Variants in DMAC2L observed in about 807,000 individuals in gnomAD.
DMAC2L encodes ATP synthase subunit s, mitochondrial.
A neutral mutation model predicts 22.5 loss-of-function variants in DMAC2L; 21 were observed. The observed-to-expected ratio is 0.93, with a 90% CI of 0.66 to 1.34. The LOEUF is 1.34. Among genes scored for constraint, DMAC2L ranks in the 40% most tolerant of loss-of-function variants. The probability of loss-of-function intolerance (pLI) is 0.00; values close to 1 mark genes in which losing one functional copy is unlikely to be tolerated. For missense variants in DMAC2L, 239 were observed against 246.5 expected, an observed-to-expected ratio of 0.97 and a Z score of 0.20; for synonymous variants, 86 against 89.5, an observed-to-expected ratio of 0.96 and a Z score of 0.22.
At chr14:50,319,235 T>A in intron 2 of DMAC2L, 9 of 1,535,876 alleles carry the variant, frequency 5.9e-6, no homozygotes, top group Non-Finnish European at 7.8e-6. Flanking sequence ...GTTGAGAACA[T>A]GATAAGAGGT....
At chr14:50,312,103 G>C (rs937974992), upstream of DMAC2L, 1 of 1,608,302 alleles carries the variant, frequency 6.2e-7, no homozygotes, top group Non-Finnish European at 8.5e-7. Flanking sequence ...CGAAAAGCCC[G>C]CGGGCCCGTC....
intron 4 of DMAC2L, 71 bp from the exon 5 acceptor site, chr14:50,323,874 C>T (rs2032497445): frequency 5.2e-6 from 7 of 1,355,634 alleles, no homozygotes; most frequent in East Asian, 2.3e-5. Flanking sequence ...CCAAGTCAGT[C>T]GTGGGCAAAC....
chr14:50,314,097 C>G (rs1349072994), intron 1 of DMAC2L, among the ~76,000 whole-genome samples: 1 of 152,108 alleles, frequency 6.6e-6, no homozygotes, highest in Non-Finnish European at 1.5e-5. Context: ...TGTAGATGTA[C>G]TACAGTATTG....
At chr14:50,313,777 T>C (rs548839412) in intron 1 of DMAC2L, among the ~76,000 whole-genome samples, 2 of 152,328 alleles carry the variant, frequency 1.3e-5, no homozygotes, top group African/African-American at 4.8e-5. Flanking sequence ...TATTTAGTTC[T>C]ATATGGTTAT....
intron 2 of DMAC2L, among the ~76,000 whole-genome samples, chr14:50,316,182 A>G (rs934955852): frequency 2.6e-5 from 4 of 151,872 alleles, no homozygotes; most frequent in Non-Finnish European, 4.4e-5. Context: ...ATTTTTTCAT[A>G]TATTTCTTGG....
chr14:50,323,986 CATT>C lies in DMAC2L; in HGVS notation c.361_363del (p.Tyr121del). Reference sequence around the variant, plus strand: ...TGAAAAAATAAGGCTGTGCAAGTGTCATTATATCGAGGATGACTGTTTGCTGAG... The same window carrying C: ...TGAAAAAATAAGGCTGTGCAAGTGTCATATCGAGGATGACTGTTTGCTGAG... On this transcript the variant is annotated inframe_deletion, in exon 5 of 6. Transcript: ENST00000557421. 1 of 1,613,648 alleles carries C rather than the reference CATT, an allele frequency of 6.2e-7. No homozygotes were observed. The highest frequency in any genetic ancestry group is 8.5e-7 in the Non-Finnish European group (1 of 1,179,882).
chr14:50,321,326 C>A, intron 2 of DMAC2L, 157 bp from the exon 3 acceptor site: 1 of 1,334,260 alleles, frequency 7.5e-7, no homozygotes, highest in East Asian at 2.9e-5. Context: ...AAATAAAAAA[C>A]CCCAAGAACA....
chr14:50,315,981 C>T (rs1424656244), intron 2 of DMAC2L, among the ~76,000 whole-genome samples: 2 of 152,190 alleles, frequency 1.3e-5, no homozygotes, highest in Admixed American at 6.5e-5. Context: ...AAGGAATCTC[C>T]ACACTGTTTT....
At chr14:50,323,005 C>T in intron 4 of DMAC2L, 2 of 1,312,378 alleles carry the variant, frequency 1.5e-6, no homozygotes, top group South Asian at 2.0e-5. Flanking sequence ...TGTCAAACTT[C>T]TGTCATTGAG....
At chr14:50,320,310 C>T (rs369746271) in intron 2 of DMAC2L, among the ~76,000 whole-genome samples, 87 of 151,896 alleles carry the variant, frequency 5.7e-4, no homozygotes, top group African/African-American at 1.9e-3. Context: ...AGAGTTTCAC[C>T]GTGTTAGCCA....
At chr14:50,323,030 G>A in intron 4 of DMAC2L, 1 of 1,258,370 alleles carries the variant, frequency 7.9e-7, no homozygotes, top group Non-Finnish European at 1.0e-6. Flanking sequence ...CCTCAATAAT[G>A]CAGGAATAAT....
rs73279445 is a variant in DMAC2L, at chr14:50,325,205, T to G, written c.489-404T>G. 0.015 allele frequency among the ~76,000 whole-genome samples: 2,285 copies of G among 152,286 alleles called. 98 individuals carry two copies. The East Asian group carries it at 0.15, about 10-fold the overall frequency. Reference sequence around the variant, plus strand: ...CAGTATCACAGGAAGTTTAAGAAATTTTAAACATTAGGACCAAAAGTACTA... The same window carrying G: ...CAGTATCACAGGAAGTTTAAGAAATGTTAAACATTAGGACCAAAAGTACTA... On this transcript the variant is annotated intron_variant, in intron 5 of 5. Transcript: ENST00000557421.
chr14:50,313,134 CTT>C, intron 1 of DMAC2L: 1 of 1,262,832 alleles, frequency 7.9e-7, no homozygotes, highest in East Asian at 2.3e-5. Flanking sequence ...CCTTCTAACT[CTT>C]TAAAATTGTC....
chr14:50,318,414 A>C lies in DMAC2L; in HGVS notation c.-5-3069A>C, dbSNP rs565372042. Among the ~76,000 whole-genome samples, 6 of 152,314 alleles carry C rather than the reference A, an allele frequency of 3.9e-5. 1 individual carries two copies. The highest frequency in any genetic ancestry group is 1.4e-4 in the African/African-American group (6 of 41,566). On this transcript the variant is annotated intron_variant, in intron 2 of 5. Transcript: ENST00000557421. The stretch of plus-strand genomic sequence containing the variant: ...TTGTGTTTTTAGAGATTACAGCCTA[A>C]GTAAATTTGGCCTTTCGTTTAAGCT...
At position 50,326,884 on chromosome 14, in the gene DMAC2L, T is replaced by C; in HGVS notation, c.*1161T>C. The C allele has an allele frequency of 2.3e-6, 1 of 429,140 alleles. No homozygotes were observed. The highest frequency in any genetic ancestry group is 3.1e-6 in the Non-Finnish European group (1 of 322,236). The allele number at this position is 429,140 out of a possible 1,614,324, so 26.6% of individuals were successfully genotyped here. On this transcript the variant is annotated 3_prime_UTR_variant, in exon 6 of 6. Coordinates refer to ENST00000557421, the MANE Select transcript of DMAC2L (RefSeq NM_001382507.1). ...AGTGAGACCCCATCTCTAAAAAAAT[T>C]TTAAAAATTAGGCAGGCATGGTGGT...
intron 2 of DMAC2L, among the ~76,000 whole-genome samples, chr14:50,315,281 AT>A (rs1242121185): frequency 6.6e-6 from 1 of 151,506 alleles, no homozygotes; most frequent in Non-Finnish European, 1.5e-5. Context: ...TGTCATTCTT[AT>A]GCCTTTGCAT....
chr14:50,326,662 T>C lies in DMAC2L; in HGVS notation c.*939T>C. ...TTAAAACTGGACATAGATACTTGGC[T>C]GAATACAAATAGTTTTGCAGATTGC... On this transcript the variant is annotated 3_prime_UTR_variant, in exon 6 of 6. Coordinates refer to ENST00000557421, the MANE Select transcript of DMAC2L (RefSeq NM_001382507.1). 1.0e-6 allele frequency: 1 copy of C among 985,362 alleles called. No individual in the cohort carries two copies. Among genetic ancestry groups the C allele is most frequent in the Non-Finnish European group, 1.2e-6 (1 of 829,864 alleles). The allele number at this position is 985,362 out of a possible 1,614,324, so 61.0% of individuals were successfully genotyped here.
rs1767187378 is a variant in DMAC2L, at chr14:50,325,908, G to T, written c.*185G>T. ...GCTCATTAATGTTACTAAGTTGGAA[G>T]TGAGAATTTATGAACATTAATTCAT... is the stretch of plus-strand genomic sequence containing the variant. On this transcript the variant is annotated 3_prime_UTR_variant, in exon 6 of 6. Transcript: ENST00000557421. The T allele has an allele frequency of 8.0e-7, 1 of 1,245,164 alleles. No homozygotes were observed. Among genetic ancestry groups the T allele is most frequent in the African/African-American group, 1.6e-5 (1 of 64,218 alleles). 77.1% of individuals were successfully genotyped at this position (1,245,164 alleles called of 1,614,324 possible). A position where few individuals can be genotyped will look rare whatever the true frequency, so the allele number is the denominator to read the frequency against.
At chr14:50,320,062 C>A (rs1050380909) in intron 2 of DMAC2L, among the ~76,000 whole-genome samples, 2 of 152,206 alleles carry the variant, frequency 1.3e-5, no homozygotes, top group South Asian at 2.1e-4. Flanking sequence ...GAAGCACAAC[C>A]GTAACAATGC....
Sources: allele counts gnomAD v4.1 joint callset (sites outside exome capture counted in the v4.1 genomes callset), GRCh38; gene constraint gnomAD v4.1.1; transcripts MANE v1.5; gene names NCBI Gene and HGNC (gene_info 2026-07-23, HGNC 2026-07-21).